The following LIN28A variants were observed in gnomAD, a reference collection of about 807,000 sequenced individuals.
LIN28A encodes lin-28 RNA binding posttranscriptional regulator A, also known as protein lin-28 homolog A.
Under a neutral mutation model 21.1 loss-of-function variants are expected in LIN28A, and 11 were observed. The observed-to-expected ratio is 0.52, with a 90% confidence interval of 0.33 to 0.86. The LOEUF (loss-of-function observed/expected upper bound fraction) is 0.86. Ranked by LOEUF, LIN28A falls within the 40% of genes least tolerant of loss-of-function variation. LIN28A has a pLI of 0.03. For synonymous variants in LIN28A, 111 were observed against 108.7 expected, an observed-to-expected ratio of 1.02 and a Z score of -0.13; for missense variants, 219 against 279.8, an observed-to-expected ratio of 0.78 and a Z score of 1.55.
chr1:26,414,278 G>A (rs927819396), intron 2 of LIN28A, among the ~76,000 whole-genome samples: 2 of 152,204 alleles, frequency 1.3e-5, no homozygotes, highest in African/African-American at 4.8e-5. Context: ...TTGGCTGCTG[G>A]GGTTGGGCAC....
chr1:26,412,019 A>T (rs1345275855), intron 2 of LIN28A, among the ~76,000 whole-genome samples: 1 of 152,208 alleles, frequency 6.6e-6, no homozygotes, highest in Non-Finnish European at 1.5e-5. Context: ...AGTGAGGGCA[A>T]CTGGCTACTG....
At chr1:26,418,754 G>A (rs954178078) in intron 2 of LIN28A, among the ~76,000 whole-genome samples, 2 of 152,168 alleles carry the variant, frequency 1.3e-5, no homozygotes, top group African/African-American at 4.8e-5. Context: ...AGGGGGTCCT[G>A]TTTGGTTCTA....
intron 2 of LIN28A, among the ~76,000 whole-genome samples, chr1:26,418,689 T>A (rs2075011661): frequency 6.6e-6 from 1 of 152,098 alleles, no homozygotes; most frequent in Non-Finnish European, 1.5e-5. Flanking sequence ...CCCTCCCCTT[T>A]AAAATAATTT....
chr1:26,415,079 T>C (rs952172931), intron 2 of LIN28A, among the ~76,000 whole-genome samples: 2 of 152,226 alleles, frequency 1.3e-5, no homozygotes, highest in Non-Finnish European at 2.9e-5. Context: ...TGCTTTCCCA[T>C]AGCTCCTCAG....
At chr1:26,418,593 C>A (rs535974331) in intron 2 of LIN28A, among the ~76,000 whole-genome samples, 1 of 151,982 alleles carries the variant, frequency 6.6e-6, no homozygotes, top group East Asian at 1.9e-4. Flanking sequence ...ATGCCACATT[C>A]CCCAACACAG....
At chr1:26,417,865 G>A (rs1166337447) in intron 2 of LIN28A, among the ~76,000 whole-genome samples, 1 of 152,194 alleles carries the variant, frequency 6.6e-6, no homozygotes, top group Non-Finnish European at 1.5e-5. Context: ...CTTCCGGCTG[G>A]AATGGCCCTG....
Position 26,428,687 on chromosome 1 carries a change from C to A in LIN28A, c.*2229C>A, listed in dbSNP as rs2124311196. ...TCCTGAGTAGCTGGGATTTCAGGCA[C>A]CCGCCACACTCAGCTAATTTTTGTA... On this transcript the variant is annotated 3_prime_UTR_variant, in exon 4 of 4. Transcript: ENST00000326279. 1 of 152,096 alleles carries A rather than the reference C, an allele frequency of 6.6e-6. No individual in the cohort carries two copies. 9.4% of individuals were successfully genotyped at this position (152,096 alleles called of 1,614,324 possible). A position where few individuals can be genotyped will look rare whatever the true frequency, so the allele number is the denominator to read the frequency against.
intron 3 of LIN28A, 56 bp downstream of exon 3, chr1:26,425,543 T>A: frequency 6.6e-7 from 1 of 1,519,802 alleles, no homozygotes; most frequent in Non-Finnish European, 9.0e-7. Context: ...AGTCTCCCAA[T>A]CCTGTCACTT....
intron 2 of LIN28A, among the ~76,000 whole-genome samples, chr1:26,420,361 C>T (rs956731330): frequency 1.1e-4 from 17 of 152,002 alleles, no homozygotes; most frequent in Middle Eastern, 3.4e-3. Flanking sequence ...AAAATTTGGC[C>T]GGGCATGGTG....
At chr1:26,425,715 G>A (rs1004145803) in intron 3 of LIN28A, among the ~76,000 whole-genome samples, 1 of 152,174 alleles carries the variant, frequency 6.6e-6, no homozygotes, top group Non-Finnish European at 1.5e-5. Flanking sequence ...TGGTCTCTAA[G>A]CCTCAATTGT....
chr1:26,428,401 TACAC>T lies in LIN28A; in HGVS notation c.*1946_*1949del, dbSNP rs1381004325. On this transcript the variant is annotated 3_prime_UTR_variant, in exon 4 of 4. Coordinates refer to ENST00000326279, the MANE Select transcript of LIN28A (RefSeq NM_024674.6). ...TTCTGTTCACCCCCAAAAGAAAACT[TACAC>T]ACCCACACACATACACATTTCATGC... 2 of 152,162 alleles carry T rather than the reference TACAC, an allele frequency of 1.3e-5. No homozygotes were observed. Among genetic ancestry groups the T allele is most frequent in the Non-Finnish European group, 2.9e-5 (2 of 68,040 alleles). The allele number at this position is 152,162 out of a possible 1,614,324, so 9.4% of individuals were successfully genotyped here.
At chr1:26,414,524 A>G (rs192244917) in intron 2 of LIN28A, among the ~76,000 whole-genome samples, 1,679 of 152,196 alleles carry the variant, frequency 0.011, 21 homozygotes, top group African/African-American at 0.037. Context: ...GAGTGGGGGG[A>G]AAAGCCCACC....
At chr1:26,423,215 G>GT (rs1258719695) in intron 2 of LIN28A, among the ~76,000 whole-genome samples, 1 of 151,520 alleles carries the variant, frequency 6.6e-6, no homozygotes, top group African/African-American at 2.4e-5. Context: ...TAATTTTTGT[G>GT]TTTTTTGTAG....
At chr1:26,418,003 G>GTT (rs59199267) in intron 2 of LIN28A, among the ~76,000 whole-genome samples, 10 of 142,932 alleles carry the variant, frequency 7.0e-5, no homozygotes, top group South Asian at 4.4e-4. Context: ...CCTTTGTGTT[G>GTT]TTTTTTTTTT....
rs780623692 is a variant in LIN28A at position 26,411,598 on chromosome 1, G to C, written c.228+16G>C. The C allele has an allele frequency of 6.2e-7, 1 of 1,606,942 alleles. No homozygotes were observed. Among genetic ancestry groups the C allele is most frequent in the Admixed American group, 1.7e-5 (1 of 57,162 alleles). On this transcript the variant is annotated intron_variant, in intron 2 of 3. Coordinates refer to ENST00000326279, the MANE Select transcript of LIN28A (RefSeq NM_024674.6). This position sits in a 1 kb window ranked among gnomAD's most constrained non-coding sequence, Gnocchi z 5.4. ...TGTGCACCAGGTGAGACTGATTCCGGTAACTTTGCCCAGGGAAGGGCGTCT... is the reference window on the plus strand; with the variant it reads ...TGTGCACCAGGTGAGACTGATTCCGCTAACTTTGCCCAGGGAAGGGCGTCT...
chr1:26,426,553 G>A lies in LIN28A; in HGVS notation c.*95G>A. The A allele has an allele frequency of 1.1e-6, 1 of 919,800 alleles. No individual in the cohort carries two copies. The highest frequency in any genetic ancestry group is 1.7e-6 in the Non-Finnish European group (1 of 578,180). 57.0% of individuals were successfully genotyped at this position (919,800 alleles called of 1,614,324 possible). The stretch of plus-strand genomic sequence containing the variant: ...GGAATAGGGTGCATTGGGGCTAGTT[G>A]GCACTGCCATGTATCTCAGGCTTGG... On this transcript the variant is annotated 3_prime_UTR_variant, in exon 4 of 4. Coordinates refer to ENST00000326279, the MANE Select transcript of LIN28A (RefSeq NM_024674.6).
In LIN28A at chr1:26,425,398, T is replaced by A. The variant is rs775137207; in HGVS notation, c.324T>A (p.Arg108=). ...KKSAKGLESI[R]VTGPGGVFCI... ...CAGCCAAGGGTCTGGAATCCATCCGTGTCACCGGACCTGGTGGAGTATTCT... is the reference window on the plus strand; with the variant it reads ...CAGCCAAGGGTCTGGAATCCATCCGAGTCACCGGACCTGGTGGAGTATTCT... Residue 108 remains arginine, a synonymous_variant, in exon 3 of 4, where the codon CGT becomes CGA. Transcript: ENST00000326279. 2 of 1,614,040 alleles carry A rather than the reference T, an allele frequency of 1.2e-6. No homozygotes were observed. Among genetic ancestry groups the A allele is most frequent in the African/African-American group, 2.7e-5 (2 of 74,914 alleles).
intron 2 of LIN28A, among the ~76,000 whole-genome samples, chr1:26,423,167 G>A (rs987568819): frequency 6.6e-5 from 10 of 151,058 alleles, no homozygotes; most frequent in South Asian, 2.1e-4. Context: ...TCAGCCTCTC[G>A]AGTAGCTGAG....
rs780750369 is a variant in LIN28A at position 26,411,413 on chromosome 1, C to A, written c.59C>A (p.Ala20Glu). The A allele has an allele frequency of 1.9e-6, 3 of 1,600,926 alleles. No homozygotes were observed. The Admixed American group carries it at 5.2e-5, about 28-fold the overall frequency. ...GGCTGCGCCAAGGCGGCAGAAGAGG[C>A]GCCCGAGGAGGCGCCGGAGGACGCG... ...AGGCAKAAEE[A>E]PEEAPEDAAR... Residue 20 changes from alanine (A) to glutamate (E), a missense_variant, in exon 2 of 4, where the codon GCG (alanine) becomes GAG (glutamate). Transcript: ENST00000326279. The surrounding 1 kb of genome is among the most constrained non-coding windows in gnomAD (Gnocchi z 5.4).
Sources: allele counts gnomAD v4.1 joint callset (sites outside exome capture counted in the v4.1 genomes callset), GRCh38; gene constraint gnomAD v4.1.1; non-coding constraint Gnocchi (gnomAD v3.1); transcripts MANE v1.5; gene names NCBI Gene and HGNC (gene_info 2026-07-23, HGNC 2026-07-21).